GAD1: variants seen among roughly 807,000 people sequenced by gnomAD.
GAD1 encodes glutamate decarboxylase 1.
A neutral mutation model predicts 75.2 loss-of-function variants in GAD1; 35 were observed. That is an observed-to-expected ratio of 0.47 (90% CI 0.36 to 0.62). The LOEUF is 0.62. Among genes scored for constraint, GAD1 ranks in the 20% least tolerant of loss-of-function variants. The probability of loss-of-function intolerance (pLI) is 0.00; values close to 1 mark genes in which losing one functional copy is unlikely to be tolerated. For synonymous variants in GAD1, 257 were observed against 271.9 expected (o/e 0.95, Z 0.54); for missense variants, 490 against 758.5 (o/e 0.65, Z 4.16).
Position 170,818,146 on chromosome 2 carries a change from T to A in GAD1, c.-63-383T>A, listed in dbSNP as rs1411623225. 1 of 176,900 alleles carries A rather than the reference T, an allele frequency of 5.7e-6. No individual in the cohort carries two copies. Among genetic ancestry groups the A allele is most frequent in the Non-Finnish European group, 1.2e-5 (1 of 84,210 alleles). 11.0% of individuals were successfully genotyped at this position (176,900 alleles called of 1,614,324 possible). On this transcript the variant is annotated intron_variant, in intron 1 of 16. Transcript: ENST00000358196. This position sits in a 1 kb window ranked among gnomAD's most constrained non-coding sequence, Gnocchi z 5.9. ...CCAATGGGGCTTGTAGCGGCTCGGC[T>A]GGAAAATCGCTCACTGAGCGCTCCC...
chr2:170,846,352 T>C (rs1366069661), intron 10 of GAD1, among the ~76,000 whole-genome samples: 1 of 152,242 alleles, frequency 6.6e-6, no homozygotes, highest in Admixed American at 6.5e-5. Flanking sequence ...CTGAGCATCA[T>C]GAAGATATAG....
chr2:170,817,516 G>C (rs1429192449), intron 1 of GAD1: 1 of 152,346 alleles, frequency 6.6e-6, no homozygotes, highest in East Asian at 1.9e-4. Context: ...GGAGGGTGTG[G>C]AGGCGATGGC....
At chr2:170,835,120 G>A (rs1452089113) in intron 5 of GAD1, among the ~76,000 whole-genome samples, 2 of 152,092 alleles carry the variant, frequency 1.3e-5, no homozygotes, top group Non-Finnish European at 2.9e-5. Flanking sequence ...CAATGTCATT[G>A]TCATACCTGA....
Position 170,842,704 on chromosome 2 carries a change from C to A in GAD1, c.639-1341C>A, listed in dbSNP as rs1702543667. 14 of 1,610,294 alleles carry A rather than the reference C, an allele frequency of 8.7e-6. No homozygotes were observed. The East Asian group carries it at 8.9e-5, about 10-fold the overall frequency. ...GGTCTTCCTCCTAAATTTCCAGGGGCCTCCCAAGGAAAATGGACATATTCT... is the reference window on the plus strand; with the variant it reads ...GGTCTTCCTCCTAAATTTCCAGGGGACTCCCAAGGAAAATGGACATATTCT... On this transcript the variant is annotated intron_variant, in intron 6 of 16. Coordinates refer to ENST00000358196, the MANE Select transcript of GAD1 (RefSeq NM_000817.3).
At chr2:170,824,956 A>G (rs62168453) in intron 3 of GAD1, among the ~76,000 whole-genome samples, 11 of 118,754 alleles carry the variant, frequency 9.3e-5, no homozygotes, top group South Asian at 2.9e-4. Flanking sequence ...GTGTGTATGT[A>G]TGTGTGTGTA....
chr2:170,858,411 C>T (rs1240271523), intron 15 of GAD1, among the ~76,000 whole-genome samples: 1 of 152,074 alleles, frequency 6.6e-6, no homozygotes, highest in African/African-American at 2.4e-5. Flanking sequence ...GATTCAATAT[C>T]AATATAATAA....
rs866507684 is a variant in GAD1, at chr2:170,826,276, G to A, written c.146-3199G>A. 2.1e-4 allele frequency among the ~76,000 whole-genome samples: 32 copies of A among 152,164 alleles called. No individual in the cohort carries two copies. In the South Asian group the frequency reaches 4.4e-3, roughly 21 times the overall value. On this transcript the variant is annotated intron_variant, in intron 3 of 16. Coordinates refer to ENST00000358196, the MANE Select transcript of GAD1 (RefSeq NM_000817.3). ...AGGAATGGGATGCAGGTTTAAAGCCGTGTCGTAGGGCCGGGCGCAGTGGCT... is the reference window on the plus strand; with the variant it reads ...AGGAATGGGATGCAGGTTTAAAGCCATGTCGTAGGGCCGGGCGCAGTGGCT...
At chr2:170,847,546 G>A in intron 10 of GAD1, 130 bp from the exon 11 acceptor site, 1 of 766,644 alleles carries the variant, frequency 1.3e-6, no homozygotes, top group Non-Finnish European at 2.4e-6. Context: ...ACTAGACATA[G>A]TATCTGGTAA....
At chr2:170,855,497 C>T (rs182751177) in intron 14 of GAD1, among the ~76,000 whole-genome samples, 78 of 151,748 alleles carry the variant, frequency 5.1e-4, no homozygotes, top group Non-Finnish European at 9.9e-4. Flanking sequence ...CGTGAGCCAC[C>T]GCACCCAGCT....
chr2:170,853,960 A>G lies in GAD1; in HGVS notation c.1351A>G (p.Lys451Glu). ...TGATGTCTCCTACGACACCGGGGAC[A>G]AGGCAATTCAGTGTGGCCGCCACGT... is the stretch of plus-strand genomic sequence containing the variant. ...QYDVSYDTGD[K>E]AIQCGRHVDI... is the part of the protein sequence containing the mutation. Residue 451 changes from lysine to glutamate, a missense_variant, in exon 14 of 17, where the codon AAG (lysine) becomes GAG (glutamate). By Grantham distance (56) the Lys-to-Glu change is moderately conservative. Transcript: ENST00000358196. This position sits in a 1 kb window ranked among gnomAD's most constrained non-coding sequence, Gnocchi z 4.1. The G allele has an allele frequency of 6.2e-7, 1 of 1,614,158 alleles. No homozygotes were observed. Among genetic ancestry groups the G allele is most frequent in the Non-Finnish European group, 8.5e-7 (1 of 1,180,030 alleles).
chr2:170,830,031 C>T (rs1179979413), intron 4 of GAD1, among the ~76,000 whole-genome samples: 1 of 152,172 alleles, frequency 6.6e-6, no homozygotes, highest in Non-Finnish European at 1.5e-5. Flanking sequence ...AGCCTCATAA[C>T]CAACGAGTGT....
intron 3 of GAD1, among the ~76,000 whole-genome samples, chr2:170,824,609 C>T (rs1701980606): frequency 6.6e-6 from 1 of 152,102 alleles, no homozygotes; most frequent in African/African-American, 2.4e-5. Context: ...CCCCCACCCA[C>T]TCTCCCCCTG....
At chr2:170,833,282 G>C (rs1433820116) in intron 5 of GAD1, among the ~76,000 whole-genome samples, 2 of 152,228 alleles carry the variant, frequency 1.3e-5, no homozygotes, top group African/African-American at 4.8e-5. Context: ...AGGAATCCCA[G>C]AGAGCTGCTG....
chr2:170,845,628 C>T lies in GAD1; in HGVS notation c.867+7C>T, dbSNP rs1436246844. ...CCTCTTCACCTCAGAACAGGTGAGT[C>T]GGGGATGCTTTCTCATGGATAGTGG... On this transcript the variant is annotated splice_region_variant and intron_variant, in intron 8 of 16. Transcript: ENST00000358196. 4 of 1,612,130 alleles carry T rather than the reference C, an allele frequency of 2.5e-6. No homozygotes were observed. The highest frequency in any genetic ancestry group is 1.7e-5 in the Admixed American group (1 of 59,980).
intron 5 of GAD1, among the ~76,000 whole-genome samples, chr2:170,831,676 TTAATA>T (rs1196949660): frequency 1.5e-5 from 2 of 135,332 alleles, no homozygotes; most frequent in South Asian, 2.3e-4. Flanking sequence ...ATATAAATAT[TTAATA>T]TAATAAATAA....
chr2:170,841,295 G>A (rs550863105), intron 6 of GAD1, among the ~76,000 whole-genome samples: 8 of 152,152 alleles, frequency 5.3e-5, no homozygotes, highest in Non-Finnish European at 1.0e-4. Context: ...TAGGTTGCAA[G>A]AGAAGAATCT....
At position 170,818,730 on chromosome 2, in the gene GAD1, G is replaced by C. The variant is rs1035408966; in HGVS notation, c.82+57G>C. 5.9e-6 allele frequency: 9 copies of C among 1,533,708 alleles called. No homozygotes were observed. In the African/African-American group the frequency reaches 1.2e-4, roughly 21 times the overall value. ...ACTGCAGGGAAGATGGGGGCGCTGG[G>C]ACGTCGGGAGGCTGAGCTGGCGGAA... On this transcript the variant is annotated intron_variant, in intron 2 of 16. Transcript: ENST00000358196. This position sits in a 1 kb window ranked among gnomAD's most constrained non-coding sequence, Gnocchi z 5.9.
chr2:170,837,554 A>G lies in GAD1; in HGVS notation c.638+671A>G, dbSNP rs45559532. On this transcript the variant is annotated intron_variant, in intron 6 of 16. Transcript: ENST00000358196. ...TCATCCCAGATTTTCCTCTACATGC[A>G]TGTGCCCTCTTTTAAGAAAATGTCA... 9.5e-3 allele frequency among the ~76,000 whole-genome samples: 1,454 copies of G among 152,276 alleles called. 23 individuals carry two copies. The highest frequency in any genetic ancestry group is 0.033 in the African/African-American group (1,378 of 41,546).
Position 170,852,920 on chromosome 2 carries a change from A to G in GAD1, c.1263+128A>G, listed in dbSNP as rs769391. The G allele has an allele frequency of 0.29, 218,903 of 767,180 alleles. 33,042 individuals carry two copies. The highest frequency in any genetic ancestry group is 0.38 in the South Asian group (25,812 of 68,216). 47.5% of individuals were successfully genotyped at this position (767,180 alleles called of 1,614,324 possible). A position where few individuals can be genotyped will look rare whatever the true frequency, so the allele number is the denominator to read the frequency against. On this transcript the variant is annotated intron_variant, in intron 13 of 16. Transcript: ENST00000358196. ...AGATTGGCAGCCCCACTGAGAGACTACTGCTGCTGTCCTTTCCTGCCCTTG... is the reference window on the plus strand; with the variant it reads ...AGATTGGCAGCCCCACTGAGAGACTGCTGCTGCTGTCCTTTCCTGCCCTTG...
Sources: gnomAD v4.1 joint callset for allele counts (sites outside exome capture counted in the v4.1 genomes callset) on GRCh38, gnomAD v4.1.1 for gene constraint, Gnocchi (gnomAD v3.1) non-coding constraint, MANE v1.5 for transcripts, NCBI Gene and HGNC (gene_info 2026-07-23, HGNC 2026-07-21) for gene names.